Variants in SEZ6L observed in about 807,000 individuals in gnomAD.
SEZ6L encodes seizure related 6 homolog like.
A neutral mutation model predicts 106.2 loss-of-function variants in SEZ6L; 37 were observed. That is an observed-to-expected ratio of 0.35 (90% confidence interval 0.27 to 0.46). The LOEUF is 0.46. SEZ6L is among the 20% of genes least tolerant of loss of function. The pLI is 1.00. For missense variants in SEZ6L, 1,172 were observed against 1,332.8 expected (o/e 0.88, Z 1.88); for synonymous variants, 541 against 570.4 (o/e 0.95, Z 0.73).
rs147701355 is a variant in SEZ6L at position 26,379,320 on chromosome 22, TCCTAGCA to T, written c.3046-942_3046-936del. On this transcript the variant is annotated intron_variant, in intron 16 of 16. Coordinates refer to ENST00000248933, the MANE Select transcript of SEZ6L (RefSeq NM_021115.5). ...GTGTCATGCAAACATGGAAGTGACA[TCCTAGCA>T]CCTGTGTATTCTCCTAGTTAGAATC... is the stretch of plus-strand genomic sequence containing the variant. 8.9e-3 allele frequency among the ~76,000 whole-genome samples: 1,355 copies of T among 152,280 alleles called. 15 individuals are homozygous for T. The highest frequency in any genetic ancestry group is 0.031 in the African/African-American group (1,287 of 41,550).
In SEZ6L at chr22:26,380,496, G is replaced by A. The variant is rs184914894; in HGVS notation, c.*201G>A. On this transcript the variant is annotated 3_prime_UTR_variant, in exon 17 of 17. Coordinates refer to ENST00000248933, the MANE Select transcript of SEZ6L (RefSeq NM_021115.5). ...ATAGGTGTGGGTTTGGATGTTTCGC[G>A]GCCTCAGCCAAATTCATGTTACAGC... is the stretch of plus-strand genomic sequence containing the variant. 514 of 450,252 alleles carry A rather than the reference G, an allele frequency of 1.1e-3. 2 individuals are homozygous for A. Among genetic ancestry groups the A allele is most frequent in the Non-Finnish European group, 1.5e-3 (369 of 253,510 alleles). 27.9% of individuals were successfully genotyped at this position (450,252 alleles called of 1,614,324 possible). A position where few individuals can be genotyped will look rare whatever the true frequency, so the allele number is the denominator to read the frequency against.
intron 12 of SEZ6L, among the ~76,000 whole-genome samples, chr22:26,358,472 C>A (rs939507256): frequency 6.6e-6 from 1 of 152,196 alleles, no homozygotes; most frequent in Non-Finnish European, 1.5e-5. Flanking sequence ...TTCAAAGCTC[C>A]ACTGCTTGTA....
rs762892425 is a variant in SEZ6L at position 26,210,265 on chromosome 22, CA to C, written c.94+40504del. Among the ~76,000 whole-genome samples the C allele has an allele frequency of 8.5e-5, 13 of 152,192 alleles. No homozygotes were observed. The East Asian group carries it at 1.4e-3, about 16-fold the overall frequency. On this transcript the variant is annotated intron_variant, in intron 1 of 16. Transcript: ENST00000248933. ...TTCTGTTGGGGGAAAGACAAAGCAA[CA>C]ATAAAAGCAAAAGAAAACTTTTCGG...
intron 1 of SEZ6L, among the ~76,000 whole-genome samples, chr22:26,181,795 CATATT>C (rs1210520049): frequency 5.9e-5 from 9 of 152,182 alleles, no homozygotes; most frequent in Middle Eastern, 3.4e-3. Flanking sequence ...TATATAATAA[CATATT>C]ATATCATTAT....
At chr22:26,182,709 C>G (rs1939491714) in intron 1 of SEZ6L, among the ~76,000 whole-genome samples, 1 of 151,946 alleles carries the variant, frequency 6.6e-6, no homozygotes, top group Non-Finnish European at 1.5e-5. Flanking sequence ...GGAGCATTGA[C>G]TTTACAACAA....
intron 1 of SEZ6L, among the ~76,000 whole-genome samples, chr22:26,276,252 A>T (rs2080541057): frequency 6.6e-6 from 1 of 152,240 alleles, no homozygotes; most frequent in Non-Finnish European, 1.5e-5. Flanking sequence ...AAGGTTAACC[A>T]GTCAAAGATC....
In SEZ6L at chr22:26,297,016, C is replaced by A. The variant is rs2081322138; in HGVS notation, c.1098C>A (p.Thr366=). 6.2e-7 allele frequency: 1 copy of A among 1,614,158 alleles called. No individual in the cohort carries two copies. The highest frequency in any genetic ancestry group is 8.5e-7 in the Non-Finnish European group (1 of 1,180,018). The change falls in exon 4 of 17, where the codon ACC becomes ACA. Residue 366 remains threonine, a synonymous_variant. Coordinates refer to ENST00000248933, the MANE Select transcript of SEZ6L (RefSeq NM_021115.5). ...EGQVIRSPTN[T]ISVYFRTFQD... ...AGGTAATCCGAAGCCCCACCAACAC[C>A]ATCTCCGTCTACTTCCGGACCTTCC...
chr22:26,212,762 A>G (rs1227032589), intron 1 of SEZ6L, among the ~76,000 whole-genome samples: 2 of 152,182 alleles, frequency 1.3e-5, no homozygotes, highest in African/African-American at 4.8e-5. Context: ...CCCTTGAGAA[A>G]GAAGGATGGC....
At chr22:26,245,339 G>C (rs1372918989) in intron 1 of SEZ6L, among the ~76,000 whole-genome samples, 2 of 152,150 alleles carry the variant, frequency 1.3e-5, no homozygotes, top group African/African-American at 2.4e-5. Flanking sequence ...AATTGAACAA[G>C]AGAGACGAGA....
At chr22:26,170,451 G>A (rs1432164979) in intron 1 of SEZ6L, among the ~76,000 whole-genome samples, 2 of 151,754 alleles carry the variant, frequency 1.3e-5, no homozygotes, top group East Asian at 3.9e-4. Flanking sequence ...CTCCCCTACT[G>A]CCTAGCATCT....
Position 26,381,931 on chromosome 22 carries a change from G to A in SEZ6L, c.*1636G>A, listed in dbSNP as rs183837315. The A allele has an allele frequency of 6.6e-4, 325 of 490,834 alleles. 1 individual carries two copies. The highest frequency in any genetic ancestry group is 6.2e-3 in the African/African-American group (315 of 50,668). The allele number at this position is 490,834 out of a possible 1,614,324, so 30.4% of individuals were successfully genotyped here. The stretch of plus-strand genomic sequence containing the variant: ...GAAAAGACCTTTCTGGCCATAGGGA[G>A]AATAGCAGGGAGTCTATGTTTTGGT... On this transcript the variant is annotated 3_prime_UTR_variant, in exon 17 of 17. Coordinates refer to ENST00000248933, the MANE Select transcript of SEZ6L (RefSeq NM_021115.5).
At chr22:26,304,625 A>T (rs1352253533) in intron 5 of SEZ6L, among the ~76,000 whole-genome samples, 1 of 152,202 alleles carries the variant, frequency 6.6e-6, no homozygotes, top group African/African-American at 2.4e-5. Flanking sequence ...AAAGTAATAG[A>T]TGATTCTGGT....
Position 26,299,165 on chromosome 22 carries a change from C to T in SEZ6L, c.1344C>T (p.Cys448=), listed in dbSNP as rs762596901. Residue 448 remains cysteine, a synonymous_variant, in exon 5 of 17, where the codon TGC becomes TGT. Coordinates refer to ENST00000248933, the MANE Select transcript of SEZ6L (RefSeq NM_021115.5). ...KPHWSSQEPI[C]SAPCGGAVHN... ...ACTGGAGCAGCCAGGAGCCCATCTG[C>T]TCAGGTATGCTCCAGCCTCAGCCGG... 6.6e-7 allele frequency: 1 copy of T among 1,505,984 alleles called. No individual in the cohort carries two copies. The highest frequency in any genetic ancestry group is 8.9e-7 in the Non-Finnish European group (1 of 1,121,628). 93.3% of individuals were successfully genotyped at this position (1,505,984 alleles called of 1,614,324 possible). A position where few individuals can be genotyped will look rare whatever the true frequency, so the allele number is the denominator to read the frequency against.
intron 5 of SEZ6L, among the ~76,000 whole-genome samples, chr22:26,300,125 T>C (rs186475933): frequency 1.3e-5 from 2 of 151,736 alleles, no homozygotes; most frequent in African/African-American, 4.9e-5. Context: ...TAGATCTTCT[T>C]TGGGGAGATG....
rs567528659 is a variant in SEZ6L at position 26,275,526 on chromosome 22, C to T, written c.95-16880C>T. Among the ~76,000 whole-genome samples, 10 of 152,226 alleles carry T rather than the reference C, an allele frequency of 6.6e-5. 1 individual carries two copies. Among genetic ancestry groups the T allele is most frequent in the African/African-American group, 2.4e-4 (10 of 41,530 alleles). On this transcript the variant is annotated intron_variant, in intron 1 of 16. Coordinates refer to ENST00000248933, the MANE Select transcript of SEZ6L (RefSeq NM_021115.5). ...AAGGTTTTATTTGAAGGAATGATTC[C>T]ATTATACAGAGGGTAAGTTGAGGCC...
chr22:26,196,336 G>C (rs1423020629), intron 1 of SEZ6L, among the ~76,000 whole-genome samples: 1 of 152,188 alleles, frequency 6.6e-6, no homozygotes, highest in African/African-American at 2.4e-5. Context: ...AGAACCATGA[G>C]CCAATTAAGC....
chr22:26,207,152 G>A (rs1271054938), intron 1 of SEZ6L, among the ~76,000 whole-genome samples: 1 of 152,136 alleles, frequency 6.6e-6, no homozygotes. Context: ...TTTCTGTTTT[G>A]TTTTGTTTTG....
intron 1 of SEZ6L, among the ~76,000 whole-genome samples, chr22:26,245,080 G>A (rs557054225): frequency 2.0e-5 from 3 of 152,310 alleles, no homozygotes; most frequent in Admixed American, 2.0e-4. Context: ...TAACCCTTAA[G>A]TACATCTGCC....
chr22:26,310,613 C>T (rs2081791503), intron 6 of SEZ6L, 57 bp from the exon 7 acceptor site: 1 of 1,588,406 alleles, frequency 6.3e-7, no homozygotes, highest in Admixed American at 1.7e-5. Context: ...CTTCCTCTGC[C>T]ATGTCAGTGA....
Sources: allele counts gnomAD v4.1 joint callset (sites outside exome capture counted in the v4.1 genomes callset), GRCh38; gene constraint gnomAD v4.1.1; transcripts MANE v1.5; gene names NCBI Gene and HGNC (gene_info 2026-07-23, HGNC 2026-07-21).